Variants in RBMS1 observed in about 807,000 individuals in gnomAD.
RBMS1 encodes the protein RNA-binding motif, single-stranded-interacting protein 1.
A neutral mutation model predicts 62.3 loss-of-function variants in RBMS1; 17 were observed. That is an observed-to-expected ratio of 0.27 (90% confidence interval 0.19 to 0.41). The LOEUF (loss-of-function observed/expected upper bound fraction) is 0.41, where lower values mean the gene tolerates loss of function less well. RBMS1 is among the 10% of genes least tolerant of loss of function. The pLI is 1.00. For synonymous variants in RBMS1, 172 were observed against 170.0 expected (o/e 1.01, Z -0.09); for missense variants, 334 against 504.5 (o/e 0.66, Z 3.24).
chr2:160,387,347 A>G (rs1044995640), intron 1 of RBMS1, among the ~76,000 whole-genome samples: 4 of 151,970 alleles, frequency 2.6e-5, no homozygotes, highest in African/African-American at 9.7e-5. Flanking sequence ...GGAGGGATGA[A>G]TAAGAATTGG....
chr2:160,416,665 G>A (rs1696223951), intron 1 of RBMS1, among the ~76,000 whole-genome samples: 1 of 152,106 alleles, frequency 6.6e-6, no homozygotes, highest in African/African-American at 2.4e-5. Context: ...CTTGCCCTCT[G>A]ACATGAAGCC....
chr2:160,322,151 T>A (rs1392222979), intron 2 of RBMS1, among the ~76,000 whole-genome samples: 1 of 152,224 alleles, frequency 6.6e-6, no homozygotes, highest in Non-Finnish European at 1.5e-5. Context: ...AACAATCTTA[T>A]GAGGTAGGTG....
intron 1 of RBMS1, among the ~76,000 whole-genome samples, chr2:160,489,015 G>A (rs191341409): frequency 1.6e-3 from 243 of 152,280 alleles, no homozygotes; most frequent in Non-Finnish European, 2.0e-3. Flanking sequence ...TAAGATGTAA[G>A]GTGTATGTAG....
chr2:160,479,471 T>C (rs953647744), intron 1 of RBMS1, among the ~76,000 whole-genome samples: 4 of 152,216 alleles, frequency 2.6e-5, no homozygotes, highest in African/African-American at 9.6e-5. Flanking sequence ...CCATTACTGA[T>C]TCCTGTTCAG....
chr2:160,273,420 G>C lies in RBMS1; in HGVS notation c.*1352C>G, dbSNP rs1416279214. 6.6e-6 allele frequency: 1 copy of C among 152,190 alleles called. No individual in the cohort carries two copies. The highest frequency in any genetic ancestry group is 1.5e-5 in the Non-Finnish European group (1 of 68,034). 9.4% of individuals were successfully genotyped at this position (152,190 alleles called of 1,614,324 possible). On this transcript the variant is annotated 3_prime_UTR_variant, in exon 14 of 14. Coordinates refer to ENST00000348849, the MANE Select transcript of RBMS1 (RefSeq NM_016836.4). ...GAAGATGTGATGCTGAGACAAGTTG[G>C]AGCTACTGGTTACTGGCTCTTCGGT...
intron 3 of RBMS1, 117 bp downstream of exon 3, chr2:160,318,052 T>C (rs1026348986): frequency 1.4e-6 from 2 of 1,411,834 alleles, no homozygotes. Context: ...AACTGGGTGA[T>C]ATATAAGATC....
At chr2:160,378,851 T>C (rs932479702) in intron 1 of RBMS1, among the ~76,000 whole-genome samples, 1 of 152,234 alleles carries the variant, frequency 6.6e-6, no homozygotes, top group African/African-American at 2.4e-5. Context: ...TTTTGTGAAC[T>C]CCACTGTTTG....
intron 5 of RBMS1, among the ~76,000 whole-genome samples, chr2:160,302,097 G>T (rs1015312336): frequency 6.6e-6 from 1 of 151,674 alleles, no homozygotes; most frequent in African/African-American, 2.4e-5. Flanking sequence ...TTTTCCATCA[G>T]AAACCAAAAT....
At chr2:160,432,792 G>A (rs1682953354) in intron 1 of RBMS1, among the ~76,000 whole-genome samples, 1 of 151,948 alleles carries the variant, frequency 6.6e-6, no homozygotes, top group African/African-American at 2.4e-5. Context: ...GGAAAAGTGA[G>A]GCTCACTGCC....
chr2:160,311,228 C>CTATATATCTATA (rs1252861710), intron 4 of RBMS1, among the ~76,000 whole-genome samples: 14 of 95,920 alleles, frequency 1.5e-4, no homozygotes, highest in African/African-American at 4.6e-4. Context: ...ATCTATCTAT[C>CTATATATCTATA]TATCTATATA....
At chr2:160,298,837 G>A (rs997784006) in intron 6 of RBMS1, among the ~76,000 whole-genome samples, 1 of 152,194 alleles carries the variant, frequency 6.6e-6, no homozygotes, top group African/African-American at 2.4e-5. Context: ...CAATATGGCT[G>A]CGGTCTTCCT....
intron 1 of RBMS1, chr2:160,407,960 A>AGGCCCACCCGCGCC (rs1342796523): frequency 1.8e-5 from 18 of 973,412 alleles, no homozygotes; most frequent in Non-Finnish European, 2.1e-5. Flanking sequence ...CGCCGCGCCC[A>AGGCCCACCCGCGCC]GGCCCACCCG....
chr2:160,478,302 G>A (rs190432007), intron 1 of RBMS1, among the ~76,000 whole-genome samples: 18 of 152,278 alleles, frequency 1.2e-4, no homozygotes, highest in Non-Finnish European at 2.5e-4. Context: ...AACCAACCAC[G>A]GTGAAGGACG....
intron 10 of RBMS1, 168 bp from the exon 11 acceptor site, chr2:160,278,826 A>T: frequency 1.8e-6 from 1 of 560,928 alleles, no homozygotes; most frequent in South Asian, 2.2e-5. Context: ...AAAATCTTCT[A>T]AATTGCTCTT....
rs564931582 is a variant in RBMS1 at position 160,450,575 on chromosome 2, A to C, written c.75+42714T>G. Among the ~76,000 whole-genome samples the C allele has an allele frequency of 4.9e-3, 734 of 150,156 alleles. 12 individuals are homozygous for C. The highest frequency in any genetic ancestry group is 8.6e-3 in the Non-Finnish European group (579 of 67,314). The stretch of plus-strand genomic sequence containing the variant: ...AAAAAATAAAAAATGAAAAAAAAAA[A>C]AAAACAAAAAACATTAACCCAGTTT... On this transcript the variant is annotated intron_variant, in intron 1 of 13. Coordinates refer to ENST00000348849, the MANE Select transcript of RBMS1 (RefSeq NM_016836.4).
intron 1 of RBMS1, among the ~76,000 whole-genome samples, chr2:160,368,707 C>T (rs142777506): frequency 0.011 from 1,708 of 152,216 alleles, 40 homozygotes; most frequent in African/African-American, 0.037. Context: ...GGTGCAATCT[C>T]GGCTCACCGG....
intron 1 of RBMS1, among the ~76,000 whole-genome samples, chr2:160,426,337 A>G (rs914864875): frequency 3.2e-4 from 41 of 129,288 alleles, no homozygotes; most frequent in Non-Finnish European, 3.5e-4. Context: ...AAGGAAGGAA[A>G]GGAAGGAAGG....
intron 5 of RBMS1, among the ~76,000 whole-genome samples, chr2:160,302,051 A>G (rs1689235287): frequency 6.6e-6 from 1 of 152,212 alleles, no homozygotes; most frequent in South Asian, 2.1e-4. Context: ...TTAGATTAGA[A>G]TTCTGATCAA....
chr2:160,318,834 T>G (rs759533800), intron 2 of RBMS1, among the ~76,000 whole-genome samples: 1 of 152,242 alleles, frequency 6.6e-6, no homozygotes, highest in Non-Finnish European at 1.5e-5. Context: ...TTTACACCAC[T>G]TGTAACTCAG....
Sources: allele counts gnomAD v4.1 joint callset (sites outside exome capture counted in the v4.1 genomes callset), GRCh38; gene constraint gnomAD v4.1.1; transcripts MANE v1.5; gene names NCBI Gene and HGNC (gene_info 2026-07-23, HGNC 2026-07-21).